PFKP: variants seen among roughly 807,000 people sequenced by gnomAD.
The protein encoded by PFKP is phosphofructokinase, platelet, also known as ATP-dependent 6-phosphofructokinase, platelet type.
A neutral mutation model predicts 94.3 loss-of-function variants in PFKP; 101 were observed. The ratio of observed to expected loss-of-function variants is 1.07; its 90% CI spans 0.91 to 1.26. The LOEUF is 1.26. PFKP is among the 50% of genes most tolerant of loss of function. The probability of loss-of-function intolerance (pLI) is 0.00; values close to 1 mark genes in which losing one functional copy is unlikely to be tolerated. For missense variants in PFKP, 1,145 were observed against 1,103.3 expected (o/e 1.04, Z -0.53); for synonymous variants, 573 against 432.6 (o/e 1.32, Z -4.03).
In PFKP at chr10:3,136,699, C is replaced by A. The variant is rs1357109155; in HGVS notation, c.*120C>A. ...ACATTAATACCTAATCGGCGAGTGCCCATCTGCCCCACCTGCTCCAGTGCG... is the reference window on the plus strand; with the variant it reads ...ACATTAATACCTAATCGGCGAGTGCACATCTGCCCCACCTGCTCCAGTGCG... On this transcript the variant is annotated 3_prime_UTR_variant, in exon 22 of 22. Transcript: ENST00000381125. The A allele has an allele frequency of 4.8e-6, 5 of 1,031,524 alleles. No homozygotes were observed. The highest frequency in any genetic ancestry group is 1.5e-5 in the South Asian group (1 of 64,642). The allele number at this position is 1,031,524 out of a possible 1,614,324, so 63.9% of individuals were successfully genotyped here.
chr10:3,069,162 C>G lies in PFKP; in HGVS notation c.112+1455C>G, dbSNP rs576176752. Reference sequence around the variant, plus strand: ...AGGCCCAGCGCCCCCCGCGGGAGACCCGGGTGGCAGCGCCAGGCCCCGCCC... The same window carrying G: ...AGGCCCAGCGCCCCCCGCGGGAGACGCGGGTGGCAGCGCCAGGCCCCGCCC... On this transcript the variant is annotated intron_variant, in intron 1 of 21. Coordinates refer to ENST00000381125, the MANE Select transcript of PFKP (RefSeq NM_002627.5). The G allele has an allele frequency of 5.2e-4, 557 of 1,064,308 alleles. 6 individuals carry two copies. In the African/African-American group the frequency reaches 8.4e-3, roughly 16 times the overall value. 65.9% of individuals were successfully genotyped at this position (1,064,308 alleles called of 1,614,324 possible).
chr10:3,104,774 T>C lies in PFKP; in HGVS notation c.621-341T>C, dbSNP rs548189298. 3.0e-4 allele frequency: 113 copies of C among 374,328 alleles called. 2 individuals carry two copies. In the Admixed American group the frequency reaches 4.2e-3, roughly 14 times the overall value. The allele number at this position is 374,328 out of a possible 1,614,324, so 23.2% of individuals were successfully genotyped here. On this transcript the variant is annotated intron_variant, in intron 5 of 21. Transcript: ENST00000381125. The stretch of plus-strand genomic sequence containing the variant: ...GGCTGTCGACAGCAGCTGCCGACTG[T>C]GCCCAATAGAGAAGGTATCTGGGAA...
At chr10:3,095,509 T>A (rs140551336) in intron 2 of PFKP, among the ~76,000 whole-genome samples, 293 of 152,334 alleles carry the variant, frequency 1.9e-3, no homozygotes, top group Non-Finnish European at 2.8e-3. Flanking sequence ...GCTCTAAGGT[T>A]CATCTTGTGA....
chr10:3,079,379 T>C (rs992255029), intron 1 of PFKP, among the ~76,000 whole-genome samples: 51 of 151,356 alleles, frequency 3.4e-4, no homozygotes, highest in Admixed American at 2.0e-4. Flanking sequence ...GGACTACAGG[T>C]GCCCGCCACC....
In PFKP at chr10:3,068,170, GC is replaced by G. The variant is rs556811448; in HGVS notation, c.112+470del. On this transcript the variant is annotated intron_variant, in intron 1 of 21. Transcript: ENST00000381125. ...GGTACAGCGCGATCACTTCCTAAGT[GC>G]CCCCCCGCCCCCCAACTCCGCCGCA... Among the ~76,000 whole-genome samples the G allele has an allele frequency of 5.3e-4, 80 of 152,076 alleles. 1 individual carries two copies. In the South Asian group the frequency reaches 0.013, roughly 24 times the overall value.
At chr10:3,089,560 C>A (rs1294641023) in intron 2 of PFKP, among the ~76,000 whole-genome samples, 1 of 151,724 alleles carries the variant, frequency 6.6e-6, no homozygotes, top group African/African-American at 2.4e-5. Context: ...AGTAGCATAT[C>A]CATCACCTCA....
At position 3,109,533 on chromosome 10, in the gene PFKP, C is replaced by T. The variant is rs965243570; in HGVS notation, c.1089+53C>T. 22 of 1,581,382 alleles carry T rather than the reference C, an allele frequency of 1.4e-5. No individual in the cohort carries two copies. In the African/African-American group the frequency reaches 1.7e-4, roughly 13 times the overall value. On this transcript the variant is annotated intron_variant, in intron 10 of 21. Coordinates refer to ENST00000381125, the MANE Select transcript of PFKP (RefSeq NM_002627.5). ...AGGGCGGAGACGGCTGGGACAGAAGCTGCTTGTCAGGCCAGCCTGGGCACC... is the reference window on the plus strand; with the variant it reads ...AGGGCGGAGACGGCTGGGACAGAAGTTGCTTGTCAGGCCAGCCTGGGCACC...
At chr10:3,070,497 T>C (rs940504742) in intron 1 of PFKP, among the ~76,000 whole-genome samples, 1 of 152,240 alleles carries the variant, frequency 6.6e-6, no homozygotes, top group African/African-American at 2.4e-5. Context: ...TGTGAAATTA[T>C]GGTAAAATTC....
At chr10:3,129,770 G>A (rs1357709130) in intron 16 of PFKP, 49 bp from the exon 17 acceptor site, 6 of 1,599,238 alleles carry the variant, frequency 3.8e-6, no homozygotes, top group Non-Finnish European at 4.3e-6. Flanking sequence ...GGGATGGTGG[G>A]CGCGCCCCGG....
At chr10:3,076,173 G>T (rs1832574352) in intron 1 of PFKP, among the ~76,000 whole-genome samples, 1 of 152,148 alleles carries the variant, frequency 6.6e-6, no homozygotes, top group Admixed American at 6.5e-5. Flanking sequence ...GTGTAAAGAA[G>T]CTTAAAGCAC....
At chr10:3,091,172 C>T (rs1024977501) in intron 2 of PFKP, among the ~76,000 whole-genome samples, 3 of 152,284 alleles carry the variant, frequency 2.0e-5, no homozygotes, top group African/African-American at 7.2e-5. Context: ...GCCAGTTAAC[C>T]CATTCCTTTC....
chr10:3,121,508 G>A (rs1469304850), intron 16 of PFKP, among the ~76,000 whole-genome samples: 4 of 151,992 alleles, frequency 2.6e-5, no homozygotes, highest in African/African-American at 7.3e-5. Flanking sequence ...GGGAACGGGT[G>A]GAGAATTTGA....
chr10:3,109,444 C>A lies in PFKP; in HGVS notation c.1053C>A (p.His351Gln). 1 of 1,607,276 alleles carries A rather than the reference C, an allele frequency of 6.2e-7. No homozygotes were observed. Residue 351 changes from histidine (H) to glutamine (Q), a missense_variant, in exon 10 of 22, where the codon CAC becomes CAA. By Grantham distance (24) the His-to-Gln change is conservative. Coordinates refer to ENST00000381125, the MANE Select transcript of PFKP (RefSeq NM_002627.5). ...GCGTCGTGTCACTGAACGGGAACCA[C>A]GCCGTGCGCCTGCCGCTGATGGAGT... ...PACVVSLNGN[H>Q]AVRLPLMECV...
At chr10:3,070,434 T>C (rs1256111925) in intron 1 of PFKP, 1 of 152,240 alleles carries the variant, frequency 6.6e-6, no homozygotes, top group Non-Finnish European at 1.5e-5. Flanking sequence ...TAGCTAGAGA[T>C]GAGAGAACAT....
chr10:3,121,162 G>A (rs112995679), intron 16 of PFKP, among the ~76,000 whole-genome samples: 34 of 152,246 alleles, frequency 2.2e-4, no homozygotes, highest in African/African-American at 7.9e-4. Context: ...CTTTCTTTGC[G>A]AAGGAAACCT....
chr10:3,088,963 G>T (rs1479997068), intron 2 of PFKP, among the ~76,000 whole-genome samples: 1 of 151,922 alleles, frequency 6.6e-6, no homozygotes, highest in Non-Finnish European at 1.5e-5. Context: ...ACAGAGTTTT[G>T]CTCTGTTGCC....
chr10:3,075,260 G>A (rs773844997), intron 1 of PFKP, among the ~76,000 whole-genome samples: 7 of 151,954 alleles, frequency 4.6e-5, no homozygotes, highest in Non-Finnish European at 8.8e-5. Context: ...CAGTGCTGCA[G>A]AGATTTTGTT....
chr10:3,115,470 C>G lies in PFKP; in HGVS notation c.1372-1306C>G, dbSNP rs370395646. Among the ~76,000 whole-genome samples the G allele has an allele frequency of 8.4e-3, 36 of 4,262 alleles. 1 individual carries two copies. The highest frequency in any genetic ancestry group is 0.017 in the African/African-American group (33 of 1,900). 2.8% of individuals were successfully genotyped at this position (4,262 alleles called of 152,430 possible). ...GCCGGGGTGAAGGTGTGTGTCCCGC[C>G]ATGGAGGACAGGACTGGGGATGCTG... On this transcript the variant is annotated intron_variant, in intron 13 of 21. Coordinates refer to ENST00000381125, the MANE Select transcript of PFKP (RefSeq NM_002627.5).
At chr10:3,068,844 C>G (rs116791676) in intron 1 of PFKP, 2 of 336,720 alleles carry the variant, frequency 5.9e-6, no homozygotes, top group East Asian at 1.7e-4. Flanking sequence ...TTTGTTTTCC[C>G]GGTTCCTCCT....
Sources: allele counts gnomAD v4.1 joint callset (sites outside exome capture counted in the v4.1 genomes callset), GRCh38; gene constraint gnomAD v4.1.1; transcripts MANE v1.5; gene names NCBI Gene and HGNC (gene_info 2026-07-23, HGNC 2026-07-21).